LARGE1: variants seen among roughly 807,000 people sequenced by gnomAD.
The protein encoded by LARGE1 is xylosyl- and glucuronyltransferase LARGE1.
In LARGE1, 43 loss-of-function variants were observed where a neutral mutation model predicts 87.6. The observed-to-expected ratio is 0.49, with a 90% CI of 0.38 to 0.63. LARGE1 has a LOEUF of 0.63. Among genes scored for constraint, LARGE1 ranks in the 30% least tolerant of loss-of-function variants. LARGE1 has a pLI of 0.00. For missense variants in LARGE1, 802 were observed against 1,000.2 expected (o/e 0.80, Z 2.67); for synonymous variants, 434 against 394.6 (o/e 1.10, Z -1.18).
chr22:33,176,962 G>A (rs553897484), intron 11 of LARGE1, among the ~76,000 whole-genome samples: 1 of 152,276 alleles, frequency 6.6e-6, no homozygotes, highest in Admixed American at 6.5e-5. Context: ...ATACACCATG[G>A]AATACTATGC....
At chr22:33,532,550 C>T (rs1367571538) in intron 6 of LARGE1, among the ~76,000 whole-genome samples, 1 of 152,204 alleles carries the variant, frequency 6.6e-6, no homozygotes, top group Non-Finnish European at 1.5e-5. Context: ...ATTTTCATCC[C>T]CACTTTACAG....
intron 1 of LARGE1, among the ~76,000 whole-genome samples, chr22:33,887,195 G>A (rs913082499): frequency 5.3e-5 from 8 of 152,166 alleles, no homozygotes; most frequent in Admixed American, 6.5e-5. Context: ...ATCCTAACCC[G>A]CAATGTGATG....
chr22:33,740,271 C>T lies in LARGE1; in HGVS notation c.106+21100G>A, dbSNP rs563691752. On this transcript the variant is annotated intron_variant, in intron 2 of 14. Transcript: ENST00000397394. Reference sequence around the variant, plus strand: ...GATGTCCCCAGATACTTAGGTGCCCCTTTTTCTGGATTCCTGAACACCGGC... The same window carrying T: ...GATGTCCCCAGATACTTAGGTGCCCTTTTTTCTGGATTCCTGAACACCGGC... Among the ~76,000 whole-genome samples the T allele has an allele frequency of 3.3e-5, 5 of 152,254 alleles. No homozygotes were observed. The East Asian group carries it at 9.7e-4, about 29-fold the overall frequency.
intron 6 of LARGE1, among the ~76,000 whole-genome samples, chr22:33,533,431 G>A (rs1489051207): frequency 6.6e-6 from 1 of 152,002 alleles, no homozygotes; most frequent in Admixed American, 6.6e-5. Flanking sequence ...TCCCCATACG[G>A]CCCCTTGGAA....
chr22:33,648,560 A>G (rs990132682), intron 3 of LARGE1, among the ~76,000 whole-genome samples: 1 of 152,192 alleles, frequency 6.6e-6, no homozygotes. Flanking sequence ...AAAGAAATCA[A>G]ATATGCCTTC....
At chr22:33,618,838 TA>T (rs2079656262) in intron 4 of LARGE1, among the ~76,000 whole-genome samples, 1 of 152,242 alleles carries the variant, frequency 6.6e-6, no homozygotes, top group Non-Finnish European at 1.5e-5. Flanking sequence ...TGATTTCCCC[TA>T]ATTAATCCAC....
chr22:33,475,109 AC>A (rs908052065), intron 6 of LARGE1, among the ~76,000 whole-genome samples: 11 of 152,268 alleles, frequency 7.2e-5, no homozygotes, highest in African/African-American at 2.4e-4. Context: ...ACTCACTGGA[AC>A]AGAGTCTTTG....
chr22:33,801,805 AC>A (rs899407388), intron 1 of LARGE1, among the ~76,000 whole-genome samples: 8 of 151,992 alleles, frequency 5.3e-5, no homozygotes, highest in African/African-American at 1.9e-4. Flanking sequence ...ATTACCTGAT[AC>A]CCCCCGCTTC....
At chr22:33,683,634 CAG>C (rs1202638516) in intron 2 of LARGE1, among the ~76,000 whole-genome samples, 1 of 150,300 alleles carries the variant, frequency 6.7e-6, no homozygotes, top group East Asian at 1.9e-4. Flanking sequence ...GGCAGGCAGG[CAG>C]ACAGACAGAC....
intron 6 of LARGE1, among the ~76,000 whole-genome samples, chr22:33,540,220 C>T (rs1264099927): frequency 6.6e-6 from 1 of 152,174 alleles, no homozygotes; most frequent in South Asian, 2.1e-4. Flanking sequence ...GGCATTTCTC[C>T]TCCTTCGACA....
chr22:33,906,098 C>G (rs2065442526), intron 1 of LARGE1, among the ~76,000 whole-genome samples: 1 of 152,004 alleles, frequency 6.6e-6, no homozygotes, highest in South Asian at 2.1e-4. Flanking sequence ...CCACTGCACT[C>G]CGGCCTGGGC....
chr22:33,875,275 G>A (rs567377203), intron 1 of LARGE1, among the ~76,000 whole-genome samples: 252 of 152,268 alleles, frequency 1.7e-3, no homozygotes, highest in African/African-American at 5.5e-3. Flanking sequence ...GGCAGGCTGC[G>A]GGAACTGCCT....
At chr22:33,739,112 A>G (rs539870423) in intron 2 of LARGE1, among the ~76,000 whole-genome samples, 1 of 152,044 alleles carries the variant, frequency 6.6e-6, no homozygotes, top group African/African-American at 2.4e-5. Context: ...ATAACAGTAC[A>G]TGCCTCGCAA....
chr22:33,384,106 T>C (rs1204734688), intron 8 of LARGE1, 86 bp downstream of exon 8: 4 of 959,138 alleles, frequency 4.2e-6, no homozygotes, highest in African/African-American at 1.6e-5. Context: ...TAGAAAACCA[T>C]TCAGATCGAT....
chr22:33,481,140 AC>A (rs1333240896), intron 6 of LARGE1, among the ~76,000 whole-genome samples: 1 of 152,018 alleles, frequency 6.6e-6, no homozygotes, highest in Non-Finnish European at 1.5e-5. Context: ...CAAAAAAAAA[AC>A]GCTTTAGTGA....
At position 33,361,885 on chromosome 22, in the gene LARGE1, T is replaced by C. The variant is rs544722358; in HGVS notation, c.1131+20034A>G. ...GAGACTTTTCTGAGAGCAGGAACCA[T>C]GGCTCACTCAGCTCTGGGACTCTAG... On this transcript the variant is annotated intron_variant, in intron 9 of 14. Coordinates refer to ENST00000397394, the MANE Select transcript of LARGE1 (RefSeq NM_133642.5). 1.7e-4 allele frequency among the ~76,000 whole-genome samples: 25 copies of C among 149,052 alleles called. 1 individual carries two copies. Among genetic ancestry groups the C allele is most frequent in the Non-Finnish European group, 2.8e-4 (19 of 66,932 alleles).
chr22:33,432,848 T>C (rs1459932943), intron 6 of LARGE1, among the ~76,000 whole-genome samples: 1 of 152,164 alleles, frequency 6.6e-6, no homozygotes, highest in South Asian at 2.1e-4. Flanking sequence ...CCTCACTGCT[T>C]CCTTTCAAAT....
intron 1 of LARGE1, among the ~76,000 whole-genome samples, chr22:33,842,304 C>G (rs1297686883): frequency 1.3e-5 from 2 of 152,100 alleles, no homozygotes; most frequent in East Asian, 3.8e-4. Flanking sequence ...GAATCTCAAG[C>G]AGTAGGGCAT....
chr22:33,430,113 T>C (rs1241784727), intron 7 of LARGE1, among the ~76,000 whole-genome samples: 1 of 152,168 alleles, frequency 6.6e-6, no homozygotes, highest in Admixed American at 6.5e-5. Context: ...GCCATTAAAG[T>C]TCAAGCAAGG....
Sources: allele counts gnomAD v4.1 joint callset (sites outside exome capture counted in the v4.1 genomes callset), GRCh38; gene constraint gnomAD v4.1.1; transcripts MANE v1.5; gene names NCBI Gene and HGNC (gene_info 2026-07-23, HGNC 2026-07-21).